NXPE2: variants seen among roughly 807,000 people sequenced by gnomAD.
NXPE2 encodes the protein NXPE family member 2.
NXPE2 carries 34 observed loss-of-function variants against 34.4 expected under a neutral mutation model. The ratio of observed to expected loss-of-function variants is 0.99; its 90% confidence interval spans 0.75 to 1.31. The LOEUF (loss-of-function observed/expected upper bound fraction) is 1.31, where lower values mean the gene tolerates loss of function less well. Ranked by LOEUF, NXPE2 falls within the 40% of genes most tolerant of loss-of-function variation. NXPE2 has a pLI of 0.00. For missense variants in NXPE2, 649 were observed against 672.5 expected (o/e 0.97, Z 0.39); for synonymous variants, 235 against 231.3 (o/e 1.02, Z -0.15).
the NXPE2 span, among the ~76,000 whole-genome samples, chr11:114,510,789 T>A: frequency 9.9e-5 from 15 of 152,122 alleles, no homozygotes; most frequent in African/African-American, 2.9e-4. Context: ...TGATAGAGGA[T>A]GTCAACAAAT....
the NXPE2 span, among the ~76,000 whole-genome samples, chr11:114,506,105 G>T: frequency 2.6e-5 from 2 of 76,514 alleles, no homozygotes; most frequent in Non-Finnish European, 5.1e-5. Flanking sequence ...TTTAAACCAA[G>T]AAATATTAAA....
chr11:114,507,048 C>T, the NXPE2 span, among the ~76,000 whole-genome samples: 587 of 152,102 alleles, frequency 3.9e-3, 9 homozygotes, highest in African/African-American at 0.013. Flanking sequence ...AATATTACCA[C>T]TGACCCATAA....
At chr11:114,659,216 TAAAC>T in the NXPE2 span, among the ~76,000 whole-genome samples, 1 of 152,076 alleles carries the variant, frequency 6.6e-6, no homozygotes, top group Non-Finnish European at 1.5e-5. Flanking sequence ...CTTTCAATAA[TAAAC>T]AAAGTATGAG....
chr11:114,511,589 C>T, the NXPE2 span, among the ~76,000 whole-genome samples: 1 of 152,132 alleles, frequency 6.6e-6, no homozygotes. Context: ...GATACATAAG[C>T]ATGATATTTA....
the NXPE2 span, among the ~76,000 whole-genome samples, chr11:114,646,298 ATAT>A: frequency 9.9e-5 from 15 of 151,610 alleles, no homozygotes; most frequent in Non-Finnish European, 2.2e-4. Flanking sequence ...TTTTTCATAA[ATAT>A]TATGTATATT....
the NXPE2 span, among the ~76,000 whole-genome samples, chr11:114,813,670 A>G: frequency 6.6e-6 from 1 of 152,212 alleles, no homozygotes; most frequent in African/African-American, 2.4e-5. Context: ...AAATGCTACA[A>G]ATGTTGCAAT....
At chr11:114,513,042 C>T in the NXPE2 span, 8 of 445,890 alleles carry the variant, frequency 1.8e-5, no homozygotes, top group African/African-American at 1.6e-4. Flanking sequence ...TCTGACCCCC[C>T]CCAGAACAAA....
chr11:114,616,972 A>G, the NXPE2 span, among the ~76,000 whole-genome samples: 3 of 146,514 alleles, frequency 2.0e-5, no homozygotes, highest in Admixed American at 6.6e-5. Context: ...CCGGTTTATT[A>G]TTAGTGTTTC....
the NXPE2 span, among the ~76,000 whole-genome samples, chr11:114,499,657 T>C: frequency 2.0e-5 from 3 of 152,164 alleles, no homozygotes; most frequent in African/African-American, 4.8e-5. Context: ...AATGCACATA[T>C]GTTAATTGTG....
chr11:114,514,171 C>G, the NXPE2 span, among the ~76,000 whole-genome samples: 3 of 152,256 alleles, frequency 2.0e-5, no homozygotes, highest in African/African-American at 7.2e-5. Context: ...CATTTCACTA[C>G]ATACTGAACT....
At chr11:114,485,383 C>CTTTTTTTTT in the NXPE2 span, among the ~76,000 whole-genome samples, 1 of 89,220 alleles carries the variant, frequency 1.1e-5, no homozygotes, top group African/African-American at 4.7e-5. Context: ...TAATTTTTGT[C>CTTTTTTTTT]TTTTTTTTTT....
At chr11:114,638,487 A>C in the NXPE2 span, among the ~76,000 whole-genome samples, 1 of 151,788 alleles carries the variant, frequency 6.6e-6, no homozygotes, top group African/African-American at 2.4e-5. Context: ...TCTCCGTCCA[A>C]CTTTGTTCCA....
chr11:114,643,273 T>G, the NXPE2 span, among the ~76,000 whole-genome samples: 1 of 152,178 alleles, frequency 6.6e-6, no homozygotes, highest in East Asian at 1.9e-4. Flanking sequence ...AGATCCCATT[T>G]GTCAATTTTG....
At chr11:114,769,646 T>A in the NXPE2 span, among the ~76,000 whole-genome samples, 5 of 152,102 alleles carry the variant, frequency 3.3e-5, no homozygotes, top group African/African-American at 9.7e-5. Context: ...AAAGGATGGG[T>A]TCATGTCCTT....
At chr11:114,585,682 A>T in the NXPE2 span, among the ~76,000 whole-genome samples, 1 of 152,248 alleles carries the variant, frequency 6.6e-6, no homozygotes, top group Non-Finnish European at 1.5e-5. Context: ...AACTAGAAAG[A>T]AATTATTTAG....
At chr11:114,631,949 G>A in the NXPE2 span, among the ~76,000 whole-genome samples, 1 of 150,556 alleles carries the variant, frequency 6.6e-6, no homozygotes, top group Non-Finnish European at 1.5e-5. Flanking sequence ...TTGCCTTGTA[G>A]GTAACTACTA....
chr11:114,671,735 A>G, the NXPE2 span, among the ~76,000 whole-genome samples: 3 of 152,056 alleles, frequency 2.0e-5, no homozygotes, highest in Non-Finnish European at 2.9e-5. Context: ...AGAAATTCTC[A>G]GATAAACAAA....
intron 2 of NXPE2, among the ~76,000 whole-genome samples, chr11:114,695,868 A>ACACAG (rs1274356013): frequency 7.4e-5 from 4 of 53,960 alleles, no homozygotes. Context: ...CACACACACA[A>ACACAG]TTAGCTGGGT....
At chr11:114,801,731 G>A in the NXPE2 span, among the ~76,000 whole-genome samples, 5 of 152,162 alleles carry the variant, frequency 3.3e-5, no homozygotes, top group African/African-American at 1.2e-4. Context: ...GCAGGATTTG[G>A]TGATAGATTG....
Sources: allele counts gnomAD v4.1 joint callset (sites outside exome capture counted in the v4.1 genomes callset), GRCh38; gene constraint gnomAD v4.1.1; transcripts MANE v1.5; gene names NCBI Gene and HGNC (gene_info 2026-07-23, HGNC 2026-07-21).